CCDC141: variants seen among roughly 807,000 people sequenced by gnomAD.
CCDC141 encodes the protein coiled-coil domain-containing protein 141.
A neutral mutation model predicts 181.0 loss-of-function variants in CCDC141; 168 were observed. The ratio of observed to expected loss-of-function variants is 0.93; its 90% CI spans 0.82 to 1.05. The LOEUF is 1.05. CCDC141 is among the 50% of genes least tolerant of loss of function. The pLI is 0.00. For missense variants in CCDC141, 1,902 were observed against 1,788.5 expected (o/e 1.06, Z -1.14); for synonymous variants, 666 against 642.3 (o/e 1.04, Z -0.56).
chr2:178,867,213 C>G (rs1685893032), intron 16 of CCDC141, among the ~76,000 whole-genome samples: 1 of 152,162 alleles, frequency 6.6e-6, no homozygotes, highest in African/African-American at 2.4e-5. Context: ...GCCTCAAATT[C>G]TTCATCCATA....
Position 178,914,774 on chromosome 2 carries a change from G to C in CCDC141, c.1092+3939C>G, listed in dbSNP as rs948708129. Among the ~76,000 whole-genome samples the C allele has an allele frequency of 2.0e-5, 3 of 152,098 alleles. No homozygotes were observed. In the East Asian group the frequency reaches 5.8e-4, roughly 29 times the overall value. On this transcript the variant is annotated intron_variant, in intron 7 of 23. Transcript: ENST00000443758. Reference sequence around the variant, plus strand: ...TATACTAAATAAGTGAATATCTAAAGAGAAGGGTAATTATTCTCATGAATT... The same window carrying C: ...TATACTAAATAAGTGAATATCTAAACAGAAGGGTAATTATTCTCATGAATT...
intron 2 of CCDC141, 74 bp downstream of exon 2, chr2:179,047,210 G>C: frequency 7.4e-7 from 1 of 1,350,276 alleles, no homozygotes; most frequent in Non-Finnish European, 9.7e-7. Flanking sequence ...TAACAGCAGA[G>C]GAATCAAGAA....
rs566137717 is a variant in CCDC141 at position 178,996,454 on chromosome 2, C to G, written c.226-17779G>C. 3.3e-5 allele frequency among the ~76,000 whole-genome samples: 5 copies of G among 152,230 alleles called. No individual in the cohort carries two copies. The South Asian group carries it at 1.0e-3, about 32-fold the overall frequency. ...ACTATGAATTCATTCTAGGGAAAAC[C>G]AGGTAAACATGTAACTTCCCAGTAA... On this transcript the variant is annotated intron_variant, in intron 2 of 23. Transcript: ENST00000443758.
At chr2:178,836,646 C>T (rs1170026396) in intron 23 of CCDC141, 3 of 371,380 alleles carry the variant, frequency 8.1e-6, no homozygotes, top group African/African-American at 2.1e-5. Context: ...GCACAACCAA[C>T]CTACAGTGCT....
intron 7 of CCDC141, among the ~76,000 whole-genome samples, chr2:178,913,290 T>C (rs890312233): frequency 6.6e-6 from 1 of 152,218 alleles, no homozygotes; most frequent in Non-Finnish European, 1.5e-5. Context: ...ATTATGAAAC[T>C]GAAAGTAATT....
At chr2:178,998,004 T>C (rs1287606167) in intron 2 of CCDC141, among the ~76,000 whole-genome samples, 1 of 152,142 alleles carries the variant, frequency 6.6e-6, no homozygotes, top group African/African-American at 2.4e-5. Flanking sequence ...CCATAAGGTA[T>C]GGAAAGACAA....
rs141912382 is a variant in CCDC141 at position 178,990,805 on chromosome 2, G to C, written c.226-12130C>G. Among the ~76,000 whole-genome samples the C allele has an allele frequency of 6.7e-3, 1,027 of 152,178 alleles. 5 individuals are homozygous for C. Among genetic ancestry groups the C allele is most frequent in the African/African-American group, 0.024 (989 of 41,532 alleles). On this transcript the variant is annotated intron_variant, in intron 2 of 23. Coordinates refer to ENST00000443758, the MANE Select transcript of CCDC141 (RefSeq NM_173648.4). ...GTGCTTGCCAGGGGCTGGGGGAAGGGTGAATAAGGAGTCACTATGTAGTGG... is the reference window on the plus strand; with the variant it reads ...GTGCTTGCCAGGGGCTGGGGGAAGGCTGAATAAGGAGTCACTATGTAGTGG...
Position 178,837,011 on chromosome 2 carries a change from C to T in CCDC141, c.4208G>A (p.Ser1403Asn), listed in dbSNP as rs1561619872. ...KSTSAKSSVV[S>N]LADQAPNFSR... Reference sequence around the variant, plus strand: ...GAAATTAGGTGCCTGGTCAGCTAGGCTGACCACGCTGCTCTTTGCTGATGT... The same window carrying T: ...GAAATTAGGTGCCTGGTCAGCTAGGTTGACCACGCTGCTCTTTGCTGATGT... The change falls in exon 23 of 24, where the codon AGC becomes AAC. Residue 1403 changes from serine to asparagine, a missense_variant. Coordinates refer to ENST00000443758, the MANE Select transcript of CCDC141 (RefSeq NM_173648.4). 6.8e-6 allele frequency: 11 copies of T among 1,613,984 alleles called. No homozygotes were observed. The highest frequency in any genetic ancestry group is 6.8e-6 in the Non-Finnish European group (8 of 1,179,958).
chr2:178,848,611 G>A (rs908177483), intron 21 of CCDC141, among the ~76,000 whole-genome samples: 1 of 152,178 alleles, frequency 6.6e-6, no homozygotes, highest in Non-Finnish European at 1.5e-5. Flanking sequence ...GCTGGAAAGG[G>A]ATATAACTTG....
the CCDC141 span, among the ~76,000 whole-genome samples, chr2:178,819,175 G>T: frequency 5.1e-3 from 773 of 152,276 alleles, 10 homozygotes; most frequent in African/African-American, 0.017. Context: ...GATTGCAAGT[G>T]TACTTAGGGG....
chr2:178,976,616 TTA>T (rs1691135133), intron 3 of CCDC141, among the ~76,000 whole-genome samples: 1 of 152,174 alleles, frequency 6.6e-6, no homozygotes, highest in Non-Finnish European at 1.5e-5. Context: ...CAACTGACAG[TTA>T]TGTCTGTGAG....
intron 6 of CCDC141, among the ~76,000 whole-genome samples, chr2:178,934,851 G>A (rs78125917): frequency 0.016 from 2,398 of 152,206 alleles, 63 homozygotes; most frequent in African/African-American, 0.055. Context: ...TCCTCAGCTT[G>A]ATGCCTTATT....
At chr2:178,852,655 G>C (rs1366200097) in intron 20 of CCDC141, among the ~76,000 whole-genome samples, 1 of 152,186 alleles carries the variant, frequency 6.6e-6, no homozygotes, top group Non-Finnish European at 1.5e-5. Context: ...AGCAGCCATG[G>C]GCAGGCAAAT....
chr2:178,977,472 T>C (rs1209262549), intron 3 of CCDC141, among the ~76,000 whole-genome samples: 2 of 152,160 alleles, frequency 1.3e-5, no homozygotes, highest in Non-Finnish European at 2.9e-5. Context: ...GGAAGAAAGA[T>C]GGTGTATGAA....
At chr2:178,940,282 G>A (rs898397033) in intron 6 of CCDC141, among the ~76,000 whole-genome samples, 9 of 152,090 alleles carry the variant, frequency 5.9e-5, no homozygotes, top group African/African-American at 1.7e-4. Flanking sequence ...CATCATCTAC[G>A]TAATACAACT....
chr2:179,030,166 T>A (rs2042963455), intron 2 of CCDC141, among the ~76,000 whole-genome samples: 1 of 152,064 alleles, frequency 6.6e-6, no homozygotes, highest in Non-Finnish European at 1.5e-5. Flanking sequence ...CAACCACAAA[T>A]GAAAATTAGT....
intron 21 of CCDC141, among the ~76,000 whole-genome samples, chr2:178,847,697 G>A (rs1412612454): frequency 1.3e-5 from 2 of 152,200 alleles, no homozygotes; most frequent in African/African-American, 4.8e-5. Flanking sequence ...GTAGTTATAT[G>A]TGGGATTATA....
intron 5 of CCDC141, among the ~76,000 whole-genome samples, chr2:178,945,853 GCACACA>G (rs10649193): frequency 2.0e-5 from 3 of 149,468 alleles, no homozygotes; most frequent in African/African-American, 4.9e-5. Context: ...ACACATGCGT[GCACACA>G]CACACACACA....
chr2:178,848,771 T>C (rs901734245), intron 21 of CCDC141, among the ~76,000 whole-genome samples: 2 of 151,962 alleles, frequency 1.3e-5, no homozygotes, highest in Admixed American at 6.6e-5. Context: ...AGCTCCTCGG[T>C]GGTGGGGTGG....
Sources: gnomAD v4.1 joint callset for allele counts (sites outside exome capture counted in the v4.1 genomes callset) on GRCh38, gnomAD v4.1.1 for gene constraint, MANE v1.5 for transcripts, NCBI Gene and HGNC (gene_info 2026-07-23, HGNC 2026-07-21) for gene names.